The following DGAT2L6 variants were observed in gnomAD, a reference collection of about 807,000 sequenced individuals.
DGAT2L6 encodes diacylglycerol O-acyltransferase 2-like protein 6.
A neutral mutation model predicts 25.5 loss-of-function variants in DGAT2L6; 22 were observed. The observed-to-expected ratio is 0.86, with a 90% confidence interval of 0.62 to 1.23. The LOEUF (loss-of-function observed/expected upper bound fraction) is 1.23, where lower values mean the gene tolerates loss of function less well. DGAT2L6 is among the 50% of genes most tolerant of loss of function. The pLI is 0.00. For missense variants in DGAT2L6, 287 were observed against 253.2 expected (o/e 1.13, Z -0.91); for synonymous variants, 100 against 94.7 (o/e 1.06, Z -0.32).
At chrX:70,186,116 T>C (rs191953018) in intron 1 of DGAT2L6, among the ~76,000 whole-genome samples, 2 of 112,313 alleles carry the variant, frequency 1.8e-5, no homozygotes, top group Non-Finnish European at 3.8e-5. Context: ...CTCTTCCTAT[T>C]AACTTTCACC....
chrX:70,181,080 T>A (rs12391218), intron 1 of DGAT2L6, among the ~76,000 whole-genome samples: 1 of 111,570 alleles, frequency 9.0e-6, no homozygotes, highest in Non-Finnish European at 1.9e-5. Flanking sequence ...ATGGAATTCC[T>A]GGATCACACA....
rs192451359 is a variant in DGAT2L6, at chrX:70,184,522, T to G, written c.85+6855T>G. 2.3e-4 allele frequency among the ~76,000 whole-genome samples: 25 copies of G among 109,634 alleles called. No homozygotes were observed. The East Asian group carries it at 3.5e-3, about 15-fold the overall frequency. On this transcript the variant is annotated intron_variant, in intron 1 of 6. Coordinates refer to ENST00000333026, the MANE Select transcript of DGAT2L6 (RefSeq NM_198512.3). ...CTCCCAGGCTGAGGCTGGAGTGCAG[T>G]GGTATGATCATAACTCACTGCAGCC...
intron 1 of DGAT2L6, among the ~76,000 whole-genome samples, chrX:70,186,168 A>G (rs1424130733): frequency 8.9e-6 from 1 of 112,113 alleles, no homozygotes; most frequent in Non-Finnish European, 1.9e-5. Context: ...TTCCTTTACT[A>G]TAATTCAATG....
chrX:70,191,357 T>C (rs1479686089), intron 1 of DGAT2L6, among the ~76,000 whole-genome samples: 2 of 111,612 alleles, frequency 1.8e-5, no homozygotes, highest in African/African-American at 6.5e-5. Flanking sequence ...AGCTGATGTA[T>C]ACAATGACAG....
At chrX:70,197,341 G>A (rs1474087067) in intron 1 of DGAT2L6, among the ~76,000 whole-genome samples, 1 of 111,530 alleles carries the variant, frequency 9.0e-6, no homozygotes, top group Non-Finnish European at 1.9e-5. Context: ...TGACACTCGG[G>A]CTGGGTCTGG....
At chrX:70,203,328 A>G (rs191194191) in intron 5 of DGAT2L6, among the ~76,000 whole-genome samples, 39 of 112,382 alleles carry the variant, frequency 3.5e-4, no homozygotes, top group African/African-American at 1.2e-3. Context: ...TGGCACATAG[A>G]AAGAGCTTAA....
chrX:70,203,712 C>G (rs1207598340), intron 5 of DGAT2L6, among the ~76,000 whole-genome samples: 1 of 110,516 alleles, frequency 9.0e-6, no homozygotes, highest in African/African-American at 3.3e-5. Flanking sequence ...GGTACCTAAT[C>G]CGCGTTGGGG....
chrX:70,184,674 T>C (rs2085354257), intron 1 of DGAT2L6, among the ~76,000 whole-genome samples: 1 of 110,144 alleles, frequency 9.1e-6, no homozygotes, highest in South Asian at 3.9e-4. Flanking sequence ...CTATGTTGCC[T>C]GGGTTGGTCT....
At chrX:70,195,072 T>G (rs1294301534) in intron 1 of DGAT2L6, among the ~76,000 whole-genome samples, 1 of 111,932 alleles carries the variant, frequency 8.9e-6, no homozygotes, top group Non-Finnish European at 1.9e-5. Context: ...AACTTTTTAA[T>G]AGGCAAAGGA....
chrX:70,190,270 A>G (rs781154475), intron 1 of DGAT2L6, among the ~76,000 whole-genome samples: 44 of 112,217 alleles, frequency 3.9e-4, no homozygotes, highest in Non-Finnish European at 6.0e-4. Context: ...TTCAGGCTCT[A>G]TAAAAATTAA....
In DGAT2L6 at chrX:70,195,558, G is replaced by A. The variant is rs1011888214; in HGVS notation, c.86-3713G>A. 2.5e-4 allele frequency among the ~76,000 whole-genome samples: 28 copies of A among 111,064 alleles called. No individual in the cohort carries two copies. In the Admixed American group the frequency reaches 2.6e-3, roughly 10 times the overall value. ...CATGGATGAACCAGGAGGATACTAT[G>A]CTAAGTGAAATAAGCTAGACACAGA... is the stretch of plus-strand genomic sequence containing the variant. On this transcript the variant is annotated intron_variant, in intron 1 of 6. Coordinates refer to ENST00000333026, the MANE Select transcript of DGAT2L6 (RefSeq NM_198512.3).
intron 3 of DGAT2L6, 38 bp downstream of exon 3, chrX:70,199,920 G>T (rs2085404069): frequency 8.7e-7 from 1 of 1,151,749 alleles, no homozygotes; most frequent in African/African-American, 1.8e-5. Context: ...AGTCCCTGTT[G>T]CCCAGACCCT....
At chrX:70,193,627 T>C (rs909909866) in intron 1 of DGAT2L6, among the ~76,000 whole-genome samples, 2 of 112,355 alleles carry the variant, frequency 1.8e-5, no homozygotes, top group African/African-American at 6.5e-5. Context: ...TATACCACAT[T>C]AAGAGAAGAA....
At chrX:70,202,805 G>T (rs1007712568) in intron 5 of DGAT2L6, among the ~76,000 whole-genome samples, 11 of 111,365 alleles carry the variant, frequency 9.9e-5, no homozygotes, top group Non-Finnish European at 1.9e-4. Flanking sequence ...ACATGAGTCA[G>T]ATCATGTCAC....
chrX:70,185,378 A>C (rs2085356465), intron 1 of DGAT2L6, among the ~76,000 whole-genome samples: 1 of 112,531 alleles, frequency 8.9e-6, no homozygotes, highest in South Asian at 3.7e-4. Context: ...TATTAATGTG[A>C]GTTAATACAC....
intron 1 of DGAT2L6, among the ~76,000 whole-genome samples, chrX:70,196,736 T>A (rs1439067845): frequency 1.8e-5 from 2 of 110,589 alleles, no homozygotes; most frequent in Admixed American, 9.6e-5. Context: ...GGAGAAAATG[T>A]TTGCAAATCA....
chrX:70,204,039 C>T (rs942764871), intron 5 of DGAT2L6, among the ~76,000 whole-genome samples: 4 of 111,178 alleles, frequency 3.6e-5, no homozygotes, highest in South Asian at 3.8e-4. Context: ...ATGCAGTTTA[C>T]GAAGAACACT....
chrX:70,203,667 C>T (rs1403990139), intron 5 of DGAT2L6, among the ~76,000 whole-genome samples: 1 of 110,496 alleles, frequency 9.1e-6, no homozygotes. Context: ...GTTGGGGCAG[C>T]GTTAGTGTAG....
Sources: allele counts gnomAD v4.1 joint callset (sites outside exome capture counted in the v4.1 genomes callset), GRCh38; gene constraint gnomAD v4.1.1; transcripts MANE v1.5; gene names NCBI Gene and HGNC (gene_info 2026-07-23, HGNC 2026-07-21).